The following ENTPD1 variants were observed in gnomAD, a reference collection of about 807,000 sequenced individuals.
ENTPD1 encodes the protein ectonucleoside triphosphate diphosphohydrolase 1.
ENTPD1 carries 33 observed loss-of-function variants against 57.0 expected under a neutral mutation model. The ratio of observed to expected loss-of-function variants is 0.58; its 90% CI spans 0.44 to 0.77. ENTPD1 has a LOEUF of 0.77. ENTPD1 is among the 30% of genes least tolerant of loss of function. The probability of loss-of-function intolerance (pLI) is 0.00; values close to 1 mark genes in which losing one functional copy is unlikely to be tolerated. For synonymous variants in ENTPD1, 202 were observed against 218.8 expected (o/e 0.92, Z 0.68); for missense variants, 501 against 603.4 (o/e 0.83, Z 1.78).
intron 1 of ENTPD1, among the ~76,000 whole-genome samples, chr10:95,712,441 T>A (rs2097966665): frequency 6.6e-6 from 1 of 152,208 alleles, no homozygotes. Flanking sequence ...GAGAGCATTT[T>A]CTCTTGGTCC....
At chr10:95,864,898 G>A in intron 9 of ENTPD1, 37 bp downstream of exon 9, 1 of 1,609,134 alleles carries the variant, frequency 6.2e-7, no homozygotes, top group Non-Finnish European at 8.5e-7. Flanking sequence ...GGGAGGTTGG[G>A]GTTCGGTGGT....
At chr10:95,758,878 G>T (rs532081252) in intron 1 of ENTPD1, among the ~76,000 whole-genome samples, 2 of 152,310 alleles carry the variant, frequency 1.3e-5, no homozygotes, top group Middle Eastern at 3.4e-3. Context: ...TAAGGTGTCA[G>T]GTTTCAATGA....
chr10:95,868,048 T>C lies in ENTPD1; in HGVS notation c.*1665T>C. The stretch of plus-strand genomic sequence containing the variant: ...GTCATCGCTGCTGTTGGTTGAGCAT[T>C]TGTGGTGTACCACGCTGTGTGCTCA... On this transcript the variant is annotated 3_prime_UTR_variant, in exon 10 of 10. Coordinates refer to ENST00000371205, the MANE Select transcript of ENTPD1 (RefSeq NM_001776.6). 2 of 985,398 alleles carry C rather than the reference T, an allele frequency of 2.0e-6. No individual in the cohort carries two copies. The highest frequency in any genetic ancestry group is 9.4e-5 in the South Asian group (2 of 21,288). The allele number at this position is 985,398 out of a possible 1,614,324, so 61.0% of individuals were successfully genotyped here. A position where few individuals can be genotyped will look rare whatever the true frequency, so the allele number is the denominator to read the frequency against.
At chr10:95,747,926 C>A (rs1469945014) in intron 1 of ENTPD1, among the ~76,000 whole-genome samples, 1 of 151,244 alleles carries the variant, frequency 6.6e-6, no homozygotes, top group Non-Finnish European at 1.5e-5. Context: ...GGCTGGAGTG[C>A]AGTGGCACCA....
chr10:95,854,301 C>T (rs2098450572), intron 7 of ENTPD1, among the ~76,000 whole-genome samples: 1 of 152,022 alleles, frequency 6.6e-6, no homozygotes, highest in South Asian at 2.1e-4. Context: ...TTTTTTATTG[C>T]ATCTGTTTGA....
chr10:95,793,879 CA>C (rs1181049477), intron 1 of ENTPD1, among the ~76,000 whole-genome samples: 1 of 151,898 alleles, frequency 6.6e-6, no homozygotes, highest in East Asian at 1.9e-4. Flanking sequence ...GTTAATGTGA[CA>C]GGAAAGAAAA....
intron 7 of ENTPD1, among the ~76,000 whole-genome samples, chr10:95,851,199 C>T (rs2098444346): frequency 6.6e-6 from 1 of 151,936 alleles, no homozygotes; most frequent in African/African-American, 2.4e-5. Context: ...ATTAAAAACA[C>T]ATTTGTTTAC....
intron 1 of ENTPD1, among the ~76,000 whole-genome samples, chr10:95,804,026 T>C (rs545463189): frequency 9.2e-5 from 14 of 152,230 alleles, no homozygotes; most frequent in Non-Finnish European, 1.8e-4. Context: ...TGTGTGGTGT[T>C]ATTTCTGAGG....
chr10:95,872,330 GCT>G lies in ENTPD1; in HGVS notation c.*5953_*5954del. ...GGCTTTCAATGATCCATGGCCGCCA[GCT>G]CTCTCCAGGCTCATATCCCACTCCA... On this transcript the variant is annotated 3_prime_UTR_variant, in exon 10 of 10. Transcript: ENST00000371205. 2.0e-6 allele frequency: 2 copies of G among 985,350 alleles called. No individual in the cohort carries two copies. The highest frequency in any genetic ancestry group is 9.4e-5 in the South Asian group (2 of 21,284). 61.0% of individuals were successfully genotyped at this position (985,350 alleles called of 1,614,324 possible).
Position 95,756,198 on chromosome 10 carries a change from G to GGGAAAGACGA in ENTPD1, c.-34_-25dup. ...ACCACAGCAAGCAGAGGCTGGGGGGGGGAAAGACGAGGAAAGAGGAGGAAA... is the reference window on the plus strand; with the variant it reads ...ACCACAGCAAGCAGAGGCTGGGGGGGGGAAAGACGAGGAAAGACGAGGAAAGAGGAGGAAA... On this transcript the variant is annotated 5_prime_UTR_variant, in exon 1 of 10. Transcript: ENST00000371205. 6.3e-7 allele frequency: 1 copy of GGGAAAGACGA among 1,581,510 alleles called. No homozygotes were observed. Among genetic ancestry groups the GGGAAAGACGA allele is most frequent in the East Asian group, 2.3e-5 (1 of 42,844 alleles).
chr10:95,773,320 T>C (rs765347357), intron 1 of ENTPD1, among the ~76,000 whole-genome samples: 1 of 152,200 alleles, frequency 6.6e-6, no homozygotes, highest in Non-Finnish European at 1.5e-5. Flanking sequence ...GGATGTTGTA[T>C]TAGCAGGCAT....
Position 95,875,830 on chromosome 10 carries a change from G to A in ENTPD1, c.*9447G>A, listed in dbSNP as rs999878593. 1.7e-5 allele frequency: 4 copies of A among 231,634 alleles called. No individual in the cohort carries two copies. In the Admixed American group the frequency reaches 2.6e-4, roughly 15 times the overall value. The allele number at this position is 231,634 out of a possible 1,614,324, so 14.3% of individuals were successfully genotyped here. ...CTGATAAAACCATCAGATCTCGTGAGACTTATTCACTATCACAAGAATAGC... is the reference window on the plus strand; with the variant it reads ...CTGATAAAACCATCAGATCTCGTGAAACTTATTCACTATCACAAGAATAGC... On this transcript the variant is annotated 3_prime_UTR_variant, in exon 10 of 10. Transcript: ENST00000371205.
intron 2 of ENTPD1, among the ~76,000 whole-genome samples, chr10:95,831,014 G>A (rs999879530): frequency 2.0e-5 from 3 of 152,176 alleles, no homozygotes; most frequent in Non-Finnish European, 2.9e-5. Flanking sequence ...CAAGGCAGGC[G>A]AGGCCAGAAT....
intron 1 of ENTPD1, among the ~76,000 whole-genome samples, chr10:95,776,578 C>T (rs1289021647): frequency 1.3e-5 from 2 of 151,740 alleles, no homozygotes; most frequent in Non-Finnish European, 2.9e-5. Context: ...AACATTTTTT[C>T]CTTCACCTTG....
At chr10:95,731,597 A>T (rs189789169) in intron 1 of ENTPD1, among the ~76,000 whole-genome samples, 1 of 152,120 alleles carries the variant, frequency 6.6e-6, no homozygotes, top group African/African-American at 2.4e-5. Flanking sequence ...TTAATGAATG[A>T]TGTGTAGGAA....
chr10:95,783,928 A>G (rs1286923728), intron 1 of ENTPD1, among the ~76,000 whole-genome samples: 1 of 152,132 alleles, frequency 6.6e-6, no homozygotes, highest in African/African-American at 2.4e-5. Context: ...GTGACCAAGA[A>G]CTAGAATAGC....
At chr10:95,841,383 T>A (rs1266872593) in intron 3 of ENTPD1, among the ~76,000 whole-genome samples, 1 of 141,426 alleles carries the variant, frequency 7.1e-6, no homozygotes, top group Non-Finnish European at 1.5e-5. Context: ...CAAGACTCCG[T>A]CTCAAAAAAA....
At chr10:95,715,231 A>G (rs533593514) in intron 1 of ENTPD1, among the ~76,000 whole-genome samples, 2 of 152,002 alleles carry the variant, frequency 1.3e-5, no homozygotes, top group African/African-American at 2.4e-5. Flanking sequence ...TATTTGCTTC[A>G]TGTATTTTGG....
intron 2 of ENTPD1, among the ~76,000 whole-genome samples, chr10:95,831,213 T>C (rs1280781965): frequency 1.3e-5 from 2 of 152,210 alleles, no homozygotes; most frequent in African/African-American, 4.8e-5. Context: ...AAGCCTCTGT[T>C]GGTGCAACTT....
Sources: gnomAD v4.1 joint callset for allele counts (sites outside exome capture counted in the v4.1 genomes callset) on GRCh38, gnomAD v4.1.1 for gene constraint, MANE v1.5 for transcripts, NCBI Gene and HGNC (gene_info 2026-07-23, HGNC 2026-07-21) for gene names.